The following CHRD variants were observed in gnomAD, a reference collection of about 807,000 sequenced individuals.
CHRD encodes the protein chordin.
A neutral mutation model predicts 113.7 loss-of-function variants in CHRD; 69 were observed. That is an observed-to-expected ratio of 0.61 (90% CI 0.50 to 0.74). The LOEUF (loss-of-function observed/expected upper bound fraction) is 0.74. Among genes scored for constraint, CHRD ranks in the 30% least tolerant of loss-of-function variants. The probability of loss-of-function intolerance (pLI) is 0.00; values close to 1 mark genes in which losing one functional copy is unlikely to be tolerated. For missense variants in CHRD, 1,194 were observed against 1,295.8 expected, an observed-to-expected ratio of 0.92 and a Z score of 1.21; for synonymous variants, 561 against 540.8, an observed-to-expected ratio of 1.04 and a Z score of -0.52.
Position 184,381,610 on chromosome 3 carries a change from G to C in CHRD, c.497G>C (p.Gly166Ala). 6.2e-7 allele frequency: 1 copy of C among 1,607,010 alleles called. No individual in the cohort carries two copies. Among genetic ancestry groups the C allele is most frequent in the Non-Finnish European group, 8.5e-7 (1 of 1,176,614 alleles). ...CCAGGCGCTGAGGAGCGGGCCCGTGGTGACGGCCACACGGGTAGGGGGCTG... is the reference window on the plus strand; with the variant it reads ...CCAGGCGCTGAGGAGCGGGCCCGTGCTGACGGCCACACGGGTAGGGGGCTG... The change falls in exon 4 of 23, where the codon GGT becomes GCT. Residue 166 changes from glycine to alanine, a missense_variant. Transcript: ENST00000204604. This position sits in a 1 kb window ranked among gnomAD's most constrained non-coding sequence, Gnocchi z 4.7.
chr3:184,385,196 G>T lies in CHRD; in HGVS notation c.1776G>T (p.Thr592=). Residue 592 remains threonine, a synonymous_variant, in exon 14 of 23, where the codon ACG becomes ACT. Transcript: ENST00000204604. ...CCCACCTCCTTGGGCCTCCTGGAACGCCAGGGCCTCGGCGGCTGCTGAAGG... is the reference window on the plus strand; with the variant it reads ...CCCACCTCCTTGGGCCTCCTGGAACTCCAGGGCCTCGGCGGCTGCTGAAGG... 2 of 1,614,082 alleles carry T rather than the reference G, an allele frequency of 1.2e-6. No homozygotes were observed. The highest frequency in any genetic ancestry group is 1.7e-6 in the Non-Finnish European group (2 of 1,179,998).
intron 9 of CHRD, 38 bp from the exon 10 acceptor site, chr3:184,382,978 C>T (rs771662718): frequency 6.2e-7 from 1 of 1,613,122 alleles, no homozygotes; most frequent in Non-Finnish European, 8.5e-7. Context: ...CTGTCTTGGC[C>T]TCTTGCTATT....
At chr3:184,386,100 G>A in exon 15 of CHRD, 1 of 1,614,250 alleles carries the variant, frequency 6.2e-7, no homozygotes, top group Non-Finnish European at 8.5e-7. Context: ...CCTGGCAAAA[G>A]GCATGGCCTC....
Position 184,381,446 on chromosome 3 carries a change from G to T in CHRD, c.383-50G>T, listed in dbSNP as rs918721378. The stretch of plus-strand genomic sequence containing the variant: ...GCCACTTGGATGGGGCGTCGGACTG[G>T]CCTTTCCCATGGCCAGCTGAAGCCC... On this transcript the variant is annotated intron_variant, in intron 3 of 22. Transcript: ENST00000204604. This position sits in a 1 kb window ranked among gnomAD's most constrained non-coding sequence, Gnocchi z 4.7. 3 of 1,595,454 alleles carry T rather than the reference G, an allele frequency of 1.9e-6. No homozygotes were observed. The highest frequency in any genetic ancestry group is 2.2e-5 in the East Asian group (1 of 44,596).
chr3:184,389,333 CCCT>C (rs1033710627), intron 22 of CHRD, 31 bp from the exon 23 acceptor site: 50 of 1,606,464 alleles, frequency 3.1e-5, no homozygotes, highest in African/African-American at 9.4e-5. Context: ...ACTCCCTCTC[CCCT>C]CCTCCAACAT....
chr3:184,386,528 CGCCTGGAGGCG>C lies in CHRD; in HGVS notation c.1973_1983del (p.Leu658ArgfsTer78). 1 of 1,535,844 alleles carries C rather than the reference CGCCTGGAGGCG, an allele frequency of 6.5e-7. No individual in the cohort carries two copies. Among genetic ancestry groups the C allele is most frequent in the Non-Finnish European group, 8.7e-7 (1 of 1,147,494 alleles). On this transcript the variant is annotated frameshift_variant, in exon 16 of 23. Coordinates refer to ENST00000204604, the Ensembl canonical transcript of CHRD. LOFTEE classifies it high-confidence loss of function. ...CAACCAATGTGAGGTTGGCGGACTG[CGCCTGGAGGCG>C]GCCGGGGCCGAGGGGGTGCGGGCGC...
In CHRD at chr3:184,387,139, G is replaced by C. The variant is rs1240541799; in HGVS notation, c.2347+32G>C. On this transcript the variant is annotated intron_variant, in intron 18 of 22. Transcript: ENST00000204604. The surrounding 1 kb of genome is among the most constrained non-coding windows in gnomAD (Gnocchi z 6.1). ...TGGAAGGGTGCGTGCAGGGTGGGAGGCCCCAGAGGAGCCATTAGGTTGAAC... is the reference window on the plus strand; with the variant it reads ...TGGAAGGGTGCGTGCAGGGTGGGAGCCCCCAGAGGAGCCATTAGGTTGAAC... 1 of 1,601,664 alleles carries C rather than the reference G, an allele frequency of 6.2e-7. No homozygotes were observed. Among genetic ancestry groups the C allele is most frequent in the Non-Finnish European group, 8.6e-7 (1 of 1,168,726 alleles).
intron 14 of CHRD, 129 bp from the exon 15 acceptor site, chr3:184,385,917 C>A: frequency 1.1e-6 from 1 of 918,524 alleles, no homozygotes; most frequent in African/African-American, 1.6e-5. Flanking sequence ...ACACTATTGC[C>A]AATGGGCTTT....
chr3:184,385,403 C>G (rs954642109), intron 14 of CHRD, among the ~76,000 whole-genome samples, 165 bp downstream of exon 14: 1 of 152,086 alleles, frequency 6.6e-6, no homozygotes, highest in Non-Finnish European at 1.5e-5. Flanking sequence ...TGCAGTGGCT[C>G]AAGCCTGTAA....
exon 16 of CHRD, chr3:184,386,720 A>G: frequency 6.2e-7 from 1 of 1,612,562 alleles, no homozygotes; most frequent in Non-Finnish European, 8.5e-7. Flanking sequence ...CTGGGCGCCC[A>G]ACTACGACCC....
chr3:184,382,208 A>C (rs544974229), intron 6 of CHRD, 181 bp from the exon 7 acceptor site: 33 of 1,218,430 alleles, frequency 2.7e-5, no homozygotes, highest in Non-Finnish European at 3.6e-5. Flanking sequence ...TCACACAGCT[A>C]GTAAGTGGTG....
Position 184,381,272 on chromosome 3 carries a change from T to C in CHRD, c.290T>C (p.Val97Ala). The change falls in exon 3 of 23, where the codon GTC becomes GCC. Residue 97 changes from valine to alanine, a missense_variant. Coordinates refer to ENST00000204604, the Ensembl canonical transcript of CHRD. The surrounding 1 kb of genome is among the most constrained non-coding windows in gnomAD (Gnocchi z 4.7). ...CGCCGTACCAGGGGCCCTGGCAGGG[T>C]CAGCTGCAAGAACATCAAACCAGAG... 1.9e-6 allele frequency: 3 copies of C among 1,613,150 alleles called. No homozygotes were observed. The highest frequency in any genetic ancestry group is 2.5e-6 in the Non-Finnish European group (3 of 1,179,906).
Position 184,381,184 on chromosome 3 carries a change from A to C in CHRD, c.253-51A>C. The C allele has an allele frequency of 2.5e-6, 4 of 1,609,124 alleles. No individual in the cohort carries two copies. Among genetic ancestry groups the C allele is most frequent in the Non-Finnish European group, 3.4e-6 (4 of 1,177,888 alleles). On this transcript the variant is annotated intron_variant, in intron 2 of 22. Transcript: ENST00000204604. The surrounding 1 kb of genome is among the most constrained non-coding windows in gnomAD (Gnocchi z 4.7). ...GGACATCCTTGCCTGGGGGGGTCTC[A>C]TCAGTTGGCATCTTGCACTCACTTG...
intron 22 of CHRD, 37 bp from the exon 23 acceptor site, chr3:184,389,330 C>T: frequency 6.2e-7 from 1 of 1,603,198 alleles, no homozygotes; most frequent in South Asian, 1.1e-5. Flanking sequence ...TCCACTCCCT[C>T]TCCCCTCCTC....
At chr3:184,382,314 G>A in intron 6 of CHRD, 75 bp from the exon 7 acceptor site, 2 of 1,592,410 alleles carry the variant, frequency 1.3e-6, no homozygotes, top group Admixed American at 3.4e-5. Flanking sequence ...TTTTTCATAA[G>A]CCCTGCCTGG....
chr3:184,388,739 G>T lies in CHRD; in HGVS notation c.2707G>T (p.Gly903Trp), dbSNP rs774326071. 13 of 1,613,838 alleles carry T rather than the reference G, an allele frequency of 8.1e-6. No individual in the cohort carries two copies. Among genetic ancestry groups the T allele is most frequent in the Non-Finnish European group, 8.5e-7 (1 of 1,179,980 alleles). Residue 903 changes from glycine (G) to tryptophan (W), a missense_variant and splice_region_variant, in exon 21 of 23, where the codon GGG becomes TGG. Physicochemically the swap from Gly to Trp is radical, Grantham distance 184. Coordinates refer to ENST00000204604, the Ensembl canonical transcript of CHRD. This position sits in a 1 kb window ranked among gnomAD's most constrained non-coding sequence, Gnocchi z 6.1. ...GATGAGCTGTATCACCTGCAGATGT[G>T]GGGTAAGTGGGGAGCAGAGGCTTGT...
rs1405340315 is a variant in CHRD, at chr3:184,388,158, G to A, written c.2554+125G>A. ...AGCACTGCTCTGTGCCTAGCCTGGA[G>A]CCAGGACTCTAAATGCAGTGGAAAG... On this transcript the variant is annotated intron_variant, in intron 20 of 22. Transcript: ENST00000204604. The surrounding 1 kb of genome is among the most constrained non-coding windows in gnomAD (Gnocchi z 6.1). The A allele has an allele frequency of 4.9e-6, 4 of 815,754 alleles. No homozygotes were observed. Among genetic ancestry groups the A allele is most frequent in the Admixed American group, 2.1e-5 (1 of 47,108 alleles). 50.5% of individuals were successfully genotyped at this position (815,754 alleles called of 1,614,324 possible). A position where few individuals can be genotyped will look rare whatever the true frequency, so the allele number is the denominator to read the frequency against.
In CHRD at chr3:184,380,341, C is replaced by CGGCCCCGCT; in HGVS notation, c.25_33dup (p.Ala9_Leu11dup). ...GTCATGCCGAGCCTCCCGGCCCCGC[C>CGGCCCCGCT]GGCCCCGCTGCTGCTCCTCGGGCTG... On this transcript the variant is annotated inframe_insertion, in exon 1 of 23. Transcript: ENST00000204604. This position sits in a 1 kb window ranked among gnomAD's most constrained non-coding sequence, Gnocchi z 6.3. 1 of 1,355,110 alleles carries CGGCCCCGCT rather than the reference C, an allele frequency of 7.4e-7. No individual in the cohort carries two copies. Among genetic ancestry groups the CGGCCCCGCT allele is most frequent in the Non-Finnish European group, 9.6e-7 (1 of 1,043,698 alleles). The allele number at this position is 1,355,110 out of a possible 1,614,324, so 83.9% of individuals were successfully genotyped here.
In CHRD at chr3:184,388,159, C is replaced by T; in HGVS notation, c.2554+126C>T. The T allele has an allele frequency of 1.2e-6, 1 of 810,712 alleles. No homozygotes were observed. The highest frequency in any genetic ancestry group is 2.7e-5 in the East Asian group (1 of 37,368). 50.2% of individuals were successfully genotyped at this position (810,712 alleles called of 1,614,324 possible). ...GCACTGCTCTGTGCCTAGCCTGGAG[C>T]CAGGACTCTAAATGCAGTGGAAAGA... On this transcript the variant is annotated intron_variant, in intron 20 of 22. Transcript: ENST00000204604. The surrounding 1 kb of genome is among the most constrained non-coding windows in gnomAD (Gnocchi z 6.1).
Sources: allele counts gnomAD v4.1 joint callset (sites outside exome capture counted in the v4.1 genomes callset), GRCh38; gene constraint gnomAD v4.1.1; non-coding constraint Gnocchi (gnomAD v3.1); transcripts MANE v1.5; gene names NCBI Gene and HGNC (gene_info 2026-07-23, HGNC 2026-07-21).